Variants in SKAP2 observed in about 807,000 individuals in gnomAD.
SKAP2 encodes src kinase associated phosphoprotein 2.
A neutral mutation model predicts 54.9 loss-of-function variants in SKAP2; 28 were observed. The observed-to-expected ratio is 0.51, with a 90% confidence interval of 0.38 to 0.70. SKAP2 has a LOEUF of 0.70. Ranked by LOEUF, SKAP2 falls within the 30% of genes least tolerant of loss-of-function variation. The pLI is 0.00. For missense variants in SKAP2, 356 were observed against 424.1 expected (o/e 0.84, Z 1.41); for synonymous variants, 137 against 134.3 (o/e 1.02, Z -0.14).
intron 1 of SKAP2, among the ~76,000 whole-genome samples, chr7:26,857,287 G>C (rs943742779): frequency 6.8e-5 from 8 of 117,986 alleles, no homozygotes; most frequent in African/African-American, 2.3e-4. Flanking sequence ...AGGTGATGTG[G>C]AGAGAGTAGA....
At chr7:26,775,853 T>C (rs1156931161) in intron 4 of SKAP2, among the ~76,000 whole-genome samples, 2 of 152,180 alleles carry the variant, frequency 1.3e-5, no homozygotes, top group African/African-American at 2.4e-5. Context: ...CAAGTTGTCA[T>C]GTGTATCAAT....
intron 1 of SKAP2, among the ~76,000 whole-genome samples, chr7:26,856,158 T>C (rs1001645889): frequency 6.6e-6 from 1 of 151,810 alleles, no homozygotes; most frequent in South Asian, 2.1e-4. Context: ...TAAGTCAATA[T>C]GACAAGTAAA....
At chr7:26,769,476 T>C (rs920981808) in intron 4 of SKAP2, among the ~76,000 whole-genome samples, 36 of 152,202 alleles carry the variant, frequency 2.4e-4, no homozygotes, top group Non-Finnish European at 4.3e-4. Flanking sequence ...AAACTCACTC[T>C]CCATCCAGTT....
intron 4 of SKAP2, among the ~76,000 whole-genome samples, chr7:26,781,241 G>C (rs936307161): frequency 2.6e-5 from 4 of 152,106 alleles, no homozygotes; most frequent in African/African-American, 7.2e-5. Context: ...TTGCATGACA[G>C]TAGCTTTGAA....
chr7:26,823,007 G>A (rs967158027), intron 4 of SKAP2, among the ~76,000 whole-genome samples: 3 of 152,202 alleles, frequency 2.0e-5, no homozygotes, highest in Non-Finnish European at 2.9e-5. Context: ...AGGAAGGCAC[G>A]TAGAAAGTCG....
At chr7:26,801,280 GA>G (rs1183652158) in intron 4 of SKAP2, among the ~76,000 whole-genome samples, 1 of 152,142 alleles carries the variant, frequency 6.6e-6, no homozygotes, top group Non-Finnish European at 1.5e-5. Flanking sequence ...AACTGATGCT[GA>G]AAAGGCATTT....
intron 9 of SKAP2, among the ~76,000 whole-genome samples, chr7:26,695,091 C>T (rs1466318204): frequency 6.6e-6 from 1 of 152,022 alleles, no homozygotes; most frequent in African/African-American, 2.4e-5. Context: ...AGGCCGAGGA[C>T]TGATTTTATC....
At chr7:26,709,999 T>C (rs1042959781) in intron 9 of SKAP2, among the ~76,000 whole-genome samples, 2 of 152,220 alleles carry the variant, frequency 1.3e-5, no homozygotes, top group African/African-American at 4.8e-5. Context: ...CATGCTTCAA[T>C]ATACCACTGA....
At chr7:26,680,803 G>A (rs1786473124) in intron 11 of SKAP2, among the ~76,000 whole-genome samples, 1 of 152,118 alleles carries the variant, frequency 6.6e-6, no homozygotes, top group Non-Finnish European at 1.5e-5. Context: ...CTTTGAAGGA[G>A]GGGCTATCTC....
In SKAP2 at chr7:26,677,699, G is replaced by A. The variant is rs139549409; in HGVS notation, c.987+7037C>T. ...CTACAACACTGATACCCTACATTGT[G>A]TTTTATTGCTATTATCTATTTTATG... On this transcript the variant is annotated intron_variant, in intron 11 of 12. Coordinates refer to ENST00000345317, the MANE Select transcript of SKAP2 (RefSeq NM_003930.5). Among the ~76,000 whole-genome samples, 9 of 152,250 alleles carry A rather than the reference G, an allele frequency of 5.9e-5. No homozygotes were observed. In the East Asian group the frequency reaches 1.7e-3, roughly 29 times the overall value.
rs1002986021 is a variant in SKAP2, at chr7:26,715,039, G to A, written c.796+10389C>T. Among the ~76,000 whole-genome samples, 3 of 152,074 alleles carry A rather than the reference G, an allele frequency of 2.0e-5. 1 individual carries two copies. The South Asian group carries it at 6.2e-4, about 32-fold the overall frequency. ...ATTATGTTCAGATACAAATCCTATC[G>A]TGTGAATATCTGACCTTCTGGTACA... On this transcript the variant is annotated intron_variant, in intron 9 of 12. Coordinates refer to ENST00000345317, the MANE Select transcript of SKAP2 (RefSeq NM_003930.5).
intron 3 of SKAP2, among the ~76,000 whole-genome samples, chr7:26,848,265 T>G (rs1784967089): frequency 6.6e-6 from 1 of 152,154 alleles, no homozygotes; most frequent in South Asian, 2.1e-4. Context: ...ACAGTCCTAT[T>G]TTAAACACAA....
At chr7:26,658,987 A>G in the SKAP2 span, among the ~76,000 whole-genome samples, 2 of 152,234 alleles carry the variant, frequency 1.3e-5, no homozygotes, top group East Asian at 3.9e-4. Context: ...AGAATTCAAT[A>G]TCACTCTGCT....
At chr7:26,769,703 T>A (rs1453572636) in intron 4 of SKAP2, among the ~76,000 whole-genome samples, 1 of 152,104 alleles carries the variant, frequency 6.6e-6, no homozygotes, top group Non-Finnish European at 1.5e-5. Flanking sequence ...TTCCTTCTAA[T>A]AGGCCTCTCT....
intron 4 of SKAP2, among the ~76,000 whole-genome samples, chr7:26,773,992 A>T (rs1304244065): frequency 6.6e-6 from 1 of 152,156 alleles, no homozygotes. Context: ...CCTACACTCC[A>T]ACTTTTTTAC....
At chr7:26,700,030 TATCATATTTC>T (rs1349536252) in intron 9 of SKAP2, among the ~76,000 whole-genome samples, 4 of 152,224 alleles carry the variant, frequency 2.6e-5, no homozygotes, top group African/African-American at 9.6e-5. Context: ...TGGAATATTC[TATCATATTTC>T]ATCTTGTTGG....
chr7:26,731,275 G>A (rs547545292), intron 6 of SKAP2, among the ~76,000 whole-genome samples: 2 of 152,118 alleles, frequency 1.3e-5, no homozygotes, highest in Non-Finnish European at 2.9e-5. Context: ...AGCACCCCAG[G>A]TGATTTTGAT....
At chr7:26,684,624 G>T in intron 11 of SKAP2, 112 bp downstream of exon 11, 3 of 636,690 alleles carry the variant, frequency 4.7e-6, no homozygotes, top group South Asian at 2.0e-5. Context: ...TGTTAACAAG[G>T]ACCTAGAAGA....
chr7:26,787,294 G>T (rs1285908424), intron 4 of SKAP2, among the ~76,000 whole-genome samples: 2 of 151,246 alleles, frequency 1.3e-5, no homozygotes, highest in African/African-American at 4.9e-5. Context: ...GTCAGCATCT[G>T]ATTGGCTTCT....
Sources: allele counts gnomAD v4.1 joint callset (sites outside exome capture counted in the v4.1 genomes callset), GRCh38; gene constraint gnomAD v4.1.1; transcripts MANE v1.5; gene names NCBI Gene and HGNC (gene_info 2026-07-23, HGNC 2026-07-21).